GLIS3: variants seen among roughly 807,000 people sequenced by gnomAD.
The protein encoded by GLIS3 is GLIS family zinc finger 3.
In GLIS3, 53 loss-of-function variants were observed where a neutral mutation model predicts 78.6. The ratio of observed to expected loss-of-function variants is 0.67; its 90% CI spans 0.54 to 0.85. GLIS3 has a LOEUF of 0.85. Ranked by LOEUF, GLIS3 falls within the 40% of genes least tolerant of loss-of-function variation. The pLI is 0.00. For synonymous variants in GLIS3, 684 were observed against 509.9 expected (o/e 1.34, Z -4.60); for missense variants, 1,703 against 1,231.1 (o/e 1.38, Z -5.74).
At chr9:4,485,927 T>C in the GLIS3 span, among the ~76,000 whole-genome samples, 1 of 152,174 alleles carries the variant, frequency 6.6e-6, no homozygotes, top group African/African-American at 2.4e-5. Flanking sequence ...TTCACTATGT[T>C]GGCCAGGCTG....
chr9:4,385,766 A>G, the GLIS3 span, among the ~76,000 whole-genome samples: 11 of 50,370 alleles, frequency 2.2e-4, no homozygotes, highest in African/African-American at 1.1e-3. Flanking sequence ...AGAAAGAAAG[A>G]AAGAAAGAAA....
chr9:4,079,100 T>C (rs1828327984), intron 4 of GLIS3, among the ~76,000 whole-genome samples: 1 of 152,232 alleles, frequency 6.6e-6, no homozygotes, highest in Non-Finnish European at 1.5e-5. Context: ...ACTCACATTC[T>C]ACTGTGGTTT....
At position 4,190,926 on chromosome 9, in the gene GLIS3, C is replaced by A. The variant is rs551590514; in HGVS notation, c.389-64985G>T. 3.9e-5 allele frequency among the ~76,000 whole-genome samples: 6 copies of A among 152,150 alleles called. No homozygotes were observed. The South Asian group carries it at 1.0e-3, about 26-fold the overall frequency. ...TTTCAACCCAGAATTTCACATCCAG[C>A]CAAACTAAGCTTCATAAGTGAAGGA... is the stretch of plus-strand genomic sequence containing the variant. On this transcript the variant is annotated intron_variant, in intron 2 of 10. Coordinates refer to ENST00000381971, the MANE Select transcript of GLIS3 (RefSeq NM_001042413.2).
chr9:4,023,711 G>C (rs1389975773), intron 4 of GLIS3, among the ~76,000 whole-genome samples: 1 of 152,222 alleles, frequency 6.6e-6, no homozygotes, highest in East Asian at 1.9e-4. Flanking sequence ...CAAGAGGTCA[G>C]AGACCAGCAA....
At chr9:4,180,094 C>G (rs1358943358) in intron 2 of GLIS3, among the ~76,000 whole-genome samples, 1 of 152,002 alleles carries the variant, frequency 6.6e-6, no homozygotes, top group African/African-American at 2.4e-5. Flanking sequence ...CAATGGTTAC[C>G]TATGTCAAGG....
chr9:3,990,689 T>C (rs1486861204), intron 4 of GLIS3, among the ~76,000 whole-genome samples: 1 of 152,182 alleles, frequency 6.6e-6, no homozygotes, highest in African/African-American at 2.4e-5. Context: ...AAGGAAAATT[T>C]CACACTCAGA....
the GLIS3 span, among the ~76,000 whole-genome samples, chr9:4,436,987 A>G: frequency 6.6e-6 from 1 of 152,108 alleles, no homozygotes; most frequent in Non-Finnish European, 1.5e-5. Flanking sequence ...AATCCACATA[A>G]TAAAGAGCTG....
At position 4,319,530 on chromosome 9, in the gene GLIS3, A is replaced by G. The variant is rs1323377048; in HGVS notation, n.265-9002T>C. ...TGTGTTTTGGTAAAATCCAAATACT[A>G]ACACTTTTTTTTTTCTAGAAACAGG... is the stretch of plus-strand genomic sequence containing the variant. On this transcript the variant is annotated intron_variant and non_coding_transcript_variant, in intron 2 of 4. Coordinates refer to the GLIS3 transcript ENST00000471664. Among the ~76,000 whole-genome samples the G allele has an allele frequency of 1.2e-4, 16 of 133,594 alleles. No homozygotes were observed. In the Admixed American group the frequency reaches 1.3e-3, roughly 11 times the overall value. The allele number at this position is 133,594 out of a possible 152,430, so 87.6% of individuals were successfully genotyped here. A position where few individuals can be genotyped will look rare whatever the true frequency, so the allele number is the denominator to read the frequency against.
At chr9:4,448,221 C>T in the GLIS3 span, among the ~76,000 whole-genome samples, 1 of 152,320 alleles carries the variant, frequency 6.6e-6, no homozygotes, top group South Asian at 2.1e-4. Flanking sequence ...TGCTAACTCC[C>T]CATTCCCATT....
chr9:4,410,259 G>C, the GLIS3 span, among the ~76,000 whole-genome samples: 1 of 151,886 alleles, frequency 6.6e-6, no homozygotes, highest in Non-Finnish European at 1.5e-5. Context: ...TTACAGGCAT[G>C]AGCCACCACA....
At chr9:4,345,548 G>T (rs1050312512) in intron 2 of GLIS3, among the ~76,000 whole-genome samples, 1 of 152,032 alleles carries the variant, frequency 6.6e-6, no homozygotes, top group African/African-American at 2.4e-5. Context: ...CCCCCAACTG[G>T]GATTTTGGCC....
At chr9:4,449,832 T>A in the GLIS3 span, among the ~76,000 whole-genome samples, 1 of 152,080 alleles carries the variant, frequency 6.6e-6, no homozygotes, top group African/African-American at 2.4e-5. Flanking sequence ...ACCAAAACCC[T>A]ATCTGTAGGT....
rs1227307905 is a variant in GLIS3 at position 3,844,028 on chromosome 9, T to A, written c.2473+11981A>T. Among the ~76,000 whole-genome samples, 4 of 152,168 alleles carry A rather than the reference T, an allele frequency of 2.6e-5. No individual in the cohort carries two copies. The East Asian group carries it at 7.7e-4, about 29-fold the overall frequency. On this transcript the variant is annotated intron_variant, in intron 9 of 10. Coordinates refer to ENST00000381971, the MANE Select transcript of GLIS3 (RefSeq NM_001042413.2). The stretch of plus-strand genomic sequence containing the variant: ...AACAATCTGGTTAGAGAGGGGAAAT[T>A]CCTGTAATCAGAAAGAGCACTCACA...
At chr9:3,876,083 C>G (rs1821289560) in intron 8 of GLIS3, among the ~76,000 whole-genome samples, 1 of 152,136 alleles carries the variant, frequency 6.6e-6, no homozygotes, top group African/African-American at 2.4e-5. Context: ...CCATAAGGTG[C>G]AATCTAAATC....
chr9:4,281,136 T>A (rs918255266), intron 2 of GLIS3, among the ~76,000 whole-genome samples: 2 of 152,214 alleles, frequency 1.3e-5, no homozygotes, highest in African/African-American at 4.8e-5. Context: ...TTTATTTCAT[T>A]CTTAAACAAC....
intron 2 of GLIS3, among the ~76,000 whole-genome samples, chr9:4,253,138 G>C (rs972913042): frequency 1.3e-5 from 2 of 152,264 alleles, no homozygotes; most frequent in African/African-American, 4.8e-5. Context: ...GAGCTCAAGC[G>C]CTGTGCTGGG....
intron 1 of GLIS3, among the ~76,000 whole-genome samples, chr9:4,294,154 C>G (rs924176719): frequency 6.6e-6 from 1 of 152,148 alleles, no homozygotes; most frequent in Admixed American, 6.5e-5. Context: ...CTTTTTTAGT[C>G]TCTATAAATC....
chr9:4,165,142 T>C (rs1835780433), intron 2 of GLIS3, among the ~76,000 whole-genome samples: 1 of 152,092 alleles, frequency 6.6e-6, no homozygotes, highest in Admixed American at 6.5e-5. Flanking sequence ...AAATAGACCA[T>C]TCCCAACATC....
chr9:4,292,425 A>T (rs1362668275), intron 1 of GLIS3, among the ~76,000 whole-genome samples: 3 of 152,184 alleles, frequency 2.0e-5, no homozygotes, highest in Admixed American at 2.0e-4. Flanking sequence ...AACAGTATAA[A>T]AGTCACTGTT....
Sources: gnomAD v4.1 joint callset for allele counts (sites outside exome capture counted in the v4.1 genomes callset) on GRCh38, gnomAD v4.1.1 for gene constraint, MANE v1.5 for transcripts, NCBI Gene and HGNC (gene_info 2026-07-23, HGNC 2026-07-21) for gene names.